Variants in SORCS2 observed in about 807,000 individuals in gnomAD.
The protein encoded by SORCS2 is VPS10 domain-containing receptor SorCS2.
A neutral mutation model predicts 141.6 loss-of-function variants in SORCS2; 100 were observed. The observed-to-expected ratio is 0.71, with a 90% CI of 0.60 to 0.83. SORCS2 has a LOEUF of 0.83. Among genes scored for constraint, SORCS2 ranks in the 40% least tolerant of loss-of-function variants. The pLI is 0.00. For synonymous variants in SORCS2, 789 were observed against 676.9 expected, an observed-to-expected ratio of 1.17 and a Z score of -2.57; for missense variants, 1,646 against 1,560.2, an observed-to-expected ratio of 1.05 and a Z score of -0.93.
At chr4:7,327,828 A>G (rs879317572) in intron 1 of SORCS2, among the ~76,000 whole-genome samples, 1 of 148,654 alleles carries the variant, frequency 6.7e-6, no homozygotes, top group Non-Finnish European at 1.5e-5. Context: ...GCCCCCGGCA[A>G]CGTTGCTTTG....
intron 1 of SORCS2, among the ~76,000 whole-genome samples, chr4:7,302,254 A>G (rs1263450188): frequency 6.6e-6 from 1 of 152,204 alleles, no homozygotes; most frequent in Non-Finnish European, 1.5e-5. Context: ...TGCAGACAGG[A>G]GTCAGACGCA....
chr4:7,578,559 A>G (rs1388127511), intron 3 of SORCS2, among the ~76,000 whole-genome samples: 8 of 152,234 alleles, frequency 5.3e-5, no homozygotes, highest in African/African-American at 1.9e-4. Context: ...AGTTTCCTTA[A>G]TTTTGATCAT....
At chr4:7,496,508 G>T (rs1254108442) in intron 2 of SORCS2, among the ~76,000 whole-genome samples, 1 of 143,990 alleles carries the variant, frequency 6.9e-6, no homozygotes, top group East Asian at 2.2e-4. Context: ...TGAGCCTGTG[G>T]TGCTCTGCAC....
chr4:7,257,305 G>A (rs1479552756), intron 1 of SORCS2, among the ~76,000 whole-genome samples: 1 of 151,156 alleles, frequency 6.6e-6, no homozygotes, highest in Non-Finnish European at 1.5e-5. Context: ...AATGGGTGAG[G>A]GGGCTGGTTT....
chr4:7,675,754 C>T (rs1475525262), intron 8 of SORCS2, among the ~76,000 whole-genome samples: 1 of 152,200 alleles, frequency 6.6e-6, no homozygotes, highest in African/African-American at 2.4e-5. Flanking sequence ...GATGGACGGC[C>T]TGATGTGGGA....
intron 2 of SORCS2, among the ~76,000 whole-genome samples, chr4:7,421,114 C>G (rs1323138885): frequency 1.3e-5 from 2 of 152,198 alleles, no homozygotes; most frequent in Non-Finnish European, 2.9e-5. Flanking sequence ...CTTGCCCACA[C>G]AGTGTTTGCA....
intron 4 of SORCS2, among the ~76,000 whole-genome samples, chr4:7,642,080 G>A (rs1454422124): frequency 6.6e-6 from 1 of 152,220 alleles, no homozygotes; most frequent in Non-Finnish European, 1.5e-5. Flanking sequence ...ATGAATGAAT[G>A]ATAAATTTCT....
At chr4:7,701,259 G>A (rs1271300895) in intron 12 of SORCS2, among the ~76,000 whole-genome samples, 3 of 151,518 alleles carry the variant, frequency 2.0e-5, no homozygotes, top group African/African-American at 7.3e-5. Flanking sequence ...GAGGAGGGAG[G>A]GAAGAAGAGG....
chr4:7,257,322 G>T lies in SORCS2; in HGVS notation c.480+64196G>T, dbSNP rs1262195974. 2.9e-5 allele frequency among the ~76,000 whole-genome samples: 4 copies of T among 137,404 alleles called. No individual in the cohort carries two copies. The Admixed American group carries it at 3.0e-4, about 10-fold the overall frequency. 90.1% of individuals were successfully genotyped at this position (137,404 alleles called of 152,430 possible). A position where few individuals can be genotyped will look rare whatever the true frequency, so the allele number is the denominator to read the frequency against. On this transcript the variant is annotated intron_variant, in intron 1 of 26. Coordinates refer to ENST00000507866, the MANE Select transcript of SORCS2 (RefSeq NM_020777.3). ...TGGGTGAGGGGGCTGGTTTTGCTCA[G>T]CACCGACCTTGGGGAAGGCTGTGTG... is the stretch of plus-strand genomic sequence containing the variant.
At chr4:7,325,037 A>C (rs372485737) in intron 1 of SORCS2, among the ~76,000 whole-genome samples, 4 of 152,284 alleles carry the variant, frequency 2.6e-5, no homozygotes, top group South Asian at 4.1e-4. Flanking sequence ...TGGGTGGCGC[A>C]CAGGACCTTG....
At chr4:7,506,362 A>G (rs186077061) in intron 2 of SORCS2, among the ~76,000 whole-genome samples, 170 of 152,288 alleles carry the variant, frequency 1.1e-3, no homozygotes, top group African/African-American at 3.8e-3. Context: ...ATTGGGGGAA[A>G]AAATAACTCT....
chr4:7,694,064 G>A lies in SORCS2; in HGVS notation c.1592-3134G>A, dbSNP rs536657729. The stretch of plus-strand genomic sequence containing the variant: ...CTCGGGAGCCATTGGCGTCTGCCCC[G>A]CAGTCCTCCTTGGTGAAGTGTGGGT... On this transcript the variant is annotated intron_variant, in intron 11 of 26. Transcript: ENST00000507866. Among the ~76,000 whole-genome samples, 9 of 152,364 alleles carry A rather than the reference G, an allele frequency of 5.9e-5. No individual in the cohort carries two copies. In the South Asian group the frequency reaches 1.0e-3, roughly 18 times the overall value.
At chr4:7,481,451 A>C in intron 2 of SORCS2, among the ~76,000 whole-genome samples, 1 of 152,170 alleles carries the variant, frequency 6.6e-6, no homozygotes, top group East Asian at 1.9e-4. Context: ...CGGGAGGCCC[A>C]GGAAACCTGG....
At chr4:7,340,518 G>C (rs965041202) in intron 1 of SORCS2, among the ~76,000 whole-genome samples, 1 of 152,224 alleles carries the variant, frequency 6.6e-6, no homozygotes, top group African/African-American at 2.4e-5. Context: ...GCGCCCCCCA[G>C]GTGGCTTCTG....
chr4:7,422,635 A>G (rs1453017162), intron 2 of SORCS2, among the ~76,000 whole-genome samples: 1 of 151,870 alleles, frequency 6.6e-6, no homozygotes, highest in Non-Finnish European at 1.5e-5. Context: ...CATCTCTCAG[A>G]CCCACACACT....
intron 5 of SORCS2, among the ~76,000 whole-genome samples, chr4:7,657,649 GTGAC>G (rs1164415165): frequency 1.7e-4 from 26 of 152,132 alleles, no homozygotes; most frequent in East Asian, 3.9e-4. Flanking sequence ...GAGTGAATGA[GTGAC>G]TGAGTGAATG....
chr4:7,496,955 T>C (rs1221411146), intron 2 of SORCS2, among the ~76,000 whole-genome samples: 3 of 152,228 alleles, frequency 2.0e-5, no homozygotes, highest in Non-Finnish European at 2.9e-5. Flanking sequence ...CCTTCTGTGA[T>C]TGCCTGGCAT....
intron 2 of SORCS2, among the ~76,000 whole-genome samples, chr4:7,478,459 C>T (rs1348122330): frequency 2.6e-5 from 4 of 152,094 alleles, no homozygotes; most frequent in African/African-American, 2.4e-5. Context: ...TTCCTGGCCC[C>T]GACCCCTGCT....
intron 2 of SORCS2, among the ~76,000 whole-genome samples, chr4:7,450,586 C>A (rs1459223631): frequency 6.6e-6 from 1 of 152,248 alleles, no homozygotes; most frequent in African/African-American, 2.4e-5. Flanking sequence ...TCCGTGCCTT[C>A]TCTCACACAC....
Sources: allele counts gnomAD v4.1 joint callset (sites outside exome capture counted in the v4.1 genomes callset), GRCh38; gene constraint gnomAD v4.1.1; transcripts MANE v1.5; gene names NCBI Gene and HGNC (gene_info 2026-07-23, HGNC 2026-07-21).